MORN5: variants seen among roughly 807,000 people sequenced by gnomAD.
MORN5 encodes the protein MORN repeat containing 5.
In MORN5, 21 loss-of-function variants were observed where a neutral mutation model predicts 22.1. That is an observed-to-expected ratio of 0.95 (90% confidence interval 0.67 to 1.37). The LOEUF is 1.37. MORN5 is among the 40% of genes most tolerant of loss of function. MORN5 has a pLI of 0.00. For missense variants in MORN5, 211 were observed against 215.1 expected, an observed-to-expected ratio of 0.98 and a Z score of 0.12; for synonymous variants, 73 against 74.0, an observed-to-expected ratio of 0.99 and a Z score of 0.07.
chr9:122,180,245 G>A (rs1421576153), intron 4 of MORN5, among the ~76,000 whole-genome samples: 1 of 146,714 alleles, frequency 6.8e-6, no homozygotes, highest in East Asian at 2.0e-4. Context: ...TGTGATGTAT[G>A]TATCTTTGTA....
intron 4 of MORN5, among the ~76,000 whole-genome samples, chr9:122,192,387 A>G (rs1829790810): frequency 6.6e-6 from 1 of 152,126 alleles, no homozygotes; most frequent in Non-Finnish European, 1.5e-5. Context: ...GTGTGAGGCC[A>G]CTCGCTCAAG....
At chr9:122,186,175 C>T (rs752636421) in intron 4 of MORN5, among the ~76,000 whole-genome samples, 7 of 152,172 alleles carry the variant, frequency 4.6e-5, no homozygotes, top group Non-Finnish European at 1.0e-4. Flanking sequence ...GAGTATTGAA[C>T]GCCTCCATGG....
intron 4 of MORN5, among the ~76,000 whole-genome samples, chr9:122,188,154 T>A (rs146395972): frequency 6.6e-6 from 1 of 152,208 alleles, no homozygotes; most frequent in East Asian, 1.9e-4. Flanking sequence ...GAATAGCAGG[T>A]TAGGGAGTTT....
intron 4 of MORN5, among the ~76,000 whole-genome samples, chr9:122,193,421 C>T (rs947564336): frequency 2.0e-5 from 3 of 152,234 alleles, no homozygotes; most frequent in Admixed American, 6.5e-5. Context: ...CCCATCTCTA[C>T]TAAAAATACA....
At chr9:122,181,396 G>A (rs571071687) in intron 4 of MORN5, among the ~76,000 whole-genome samples, 7 of 152,270 alleles carry the variant, frequency 4.6e-5, no homozygotes, top group Admixed American at 2.6e-4. Flanking sequence ...GTCTTGGAGC[G>A]ATGAATGACA....
intron 4 of MORN5, among the ~76,000 whole-genome samples, chr9:122,185,703 T>A (rs1829618361): frequency 6.6e-6 from 1 of 152,156 alleles, no homozygotes; most frequent in Admixed American, 6.5e-5. Flanking sequence ...AAGACTCCCC[T>A]AATCTTGAAG....
intron 3 of MORN5, among the ~76,000 whole-genome samples, chr9:122,170,958 C>T (rs975968399): frequency 1.3e-5 from 2 of 151,558 alleles, no homozygotes; most frequent in Non-Finnish European, 2.9e-5. Flanking sequence ...CACATGTACC[C>T]CAGAACTTAA....
At chr9:122,170,355 G>C (rs771313281) in intron 3 of MORN5, among the ~76,000 whole-genome samples, 1 of 151,838 alleles carries the variant, frequency 6.6e-6, no homozygotes, top group Non-Finnish European at 1.5e-5. Flanking sequence ...TCCCAAGATT[G>C]TTGTAAATAA....
At chr9:122,179,828 T>G (rs923944073) in intron 4 of MORN5, among the ~76,000 whole-genome samples, 2 of 152,204 alleles carry the variant, frequency 1.3e-5, no homozygotes, top group Non-Finnish European at 2.9e-5. Flanking sequence ...CAGGGACCTC[T>G]TTCTGCTGCA....
At chr9:122,169,405 G>A (rs1829334033) in intron 2 of MORN5, among the ~76,000 whole-genome samples, 1 of 152,218 alleles carries the variant, frequency 6.6e-6, no homozygotes, top group Non-Finnish European at 1.5e-5. Context: ...TGAAGGGCCA[G>A]AGAGAGTGGG....
At chr9:122,175,336 C>A (rs1829434483) in intron 4 of MORN5, 2 of 429,694 alleles carry the variant, frequency 4.7e-6, no homozygotes, top group South Asian at 1.9e-4. Flanking sequence ...TTGGTTCATC[C>A]TTTAGCCAGG....
intron 4 of MORN5, among the ~76,000 whole-genome samples, chr9:122,190,740 A>G (rs1888214): frequency 0.37 from 55,601 of 152,298 alleles, 12,959 homozygotes; most frequent in Middle Eastern, 0.54. Context: ...TCCTCAGTCA[A>G]TATTGACAAT....
intron 2 of MORN5, 85 bp from the exon 3 acceptor site, chr9:122,169,560 G>A (rs939711545): frequency 1.3e-5 from 11 of 836,022 alleles, no homozygotes; most frequent in Non-Finnish European, 2.1e-5. Flanking sequence ...CCATCAGAAA[G>A]GCCCCCACTT....
At chr9:122,169,844 T>C in intron 3 of MORN5, 88 bp downstream of exon 3, 4 of 938,978 alleles carry the variant, frequency 4.3e-6, no homozygotes, top group Non-Finnish European at 7.0e-6. Flanking sequence ...CCTACTAAAG[T>C]AACTTAAAGG....
intron 3 of MORN5, among the ~76,000 whole-genome samples, chr9:122,170,012 C>G (rs1432498463): frequency 6.6e-6 from 1 of 152,164 alleles, no homozygotes; most frequent in East Asian, 1.9e-4. Context: ...AAAATGGAGT[C>G]AATCAGCTGG....
chr9:122,178,379 C>T (rs990121600), intron 4 of MORN5, among the ~76,000 whole-genome samples: 9 of 152,146 alleles, frequency 5.9e-5, no homozygotes, highest in African/African-American at 2.2e-4. Context: ...ATCCCAGCTA[C>T]TCAGGAGGCT....
rs564775434 is a variant in MORN5 at position 122,159,940 on chromosome 9, G to T, written c.-33G>T. ...TGATGCCGTATCCACTGAGACTCCG[G>T]ATCCTAACAGCTGGAAGCTAAAAAC... On this transcript the variant is annotated 5_prime_UTR_variant, in exon 1 of 5. Coordinates refer to ENST00000373764, the MANE Select transcript of MORN5 (RefSeq NM_198469.4). 1.4e-5 allele frequency: 22 copies of T among 1,611,242 alleles called. No individual in the cohort carries two copies. The highest frequency in any genetic ancestry group is 1.8e-5 in the Non-Finnish European group (21 of 1,177,492).
rs148338089 is a variant in MORN5 at position 122,168,902 on chromosome 9, C to G, written c.196-743C>G. Among the ~76,000 whole-genome samples, 1,136 of 152,230 alleles carry G rather than the reference C, an allele frequency of 7.5e-3. 4 individuals carry two copies. Among genetic ancestry groups the G allele is most frequent in the Middle Eastern group, 0.014 (4 of 294 alleles). Reference sequence around the variant, plus strand: ...AAGCCTCCCAATCTTCCCTCTGCAACCTGGAGGCCCAGGAAAGCTGTTAGT... The same window carrying G: ...AAGCCTCCCAATCTTCCCTCTGCAAGCTGGAGGCCCAGGAAAGCTGTTAGT... On this transcript the variant is annotated intron_variant, in intron 2 of 4. Transcript: ENST00000373764.
At chr9:122,177,818 C>T (rs1298843414) in intron 4 of MORN5, among the ~76,000 whole-genome samples, 1 of 152,240 alleles carries the variant, frequency 6.6e-6, no homozygotes, top group East Asian at 1.9e-4. Context: ...TTCTGTACAA[C>T]ATTAACAAAT....
Sources: allele counts gnomAD v4.1 joint callset (sites outside exome capture counted in the v4.1 genomes callset), GRCh38; gene constraint gnomAD v4.1.1; transcripts MANE v1.5; gene names NCBI Gene and HGNC (gene_info 2026-07-23, HGNC 2026-07-21).